AKAP8: variants seen among roughly 807,000 people sequenced by gnomAD.
The protein encoded by AKAP8 is A-kinase anchor protein 8.
Under a neutral mutation model 67.5 loss-of-function variants are expected in AKAP8, and 24 were observed. The observed-to-expected ratio is 0.36, with a 90% CI of 0.26 to 0.50. The LOEUF is 0.50. Among genes scored for constraint, AKAP8 ranks in the 20% least tolerant of loss-of-function variants. The pLI is 0.97. For missense variants in AKAP8, 971 were observed against 955.9 expected (o/e 1.02, Z -0.21); for synonymous variants, 400 against 371.1 (o/e 1.08, Z -0.90).
intron 1 of AKAP8, among the ~76,000 whole-genome samples, chr19:15,377,243 A>T (rs887287077): frequency 5.3e-5 from 8 of 152,150 alleles, no homozygotes; most frequent in Admixed American, 4.6e-4. Context: ...TGGGCTTGGA[A>T]GTCAGCTCCG....
At chr19:15,361,062 C>G (rs920456912) in intron 11 of AKAP8, 84 bp from the exon 12 acceptor site, 4 of 1,519,500 alleles carry the variant, frequency 2.6e-6, no homozygotes, top group Admixed American at 3.7e-5. Flanking sequence ...ACGTTTTCTC[C>G]CTGCAACTCT....
At chr19:15,370,050 C>A in intron 8 of AKAP8, 96 bp downstream of exon 8, 1 of 1,491,376 alleles carries the variant, frequency 6.7e-7, no homozygotes, top group South Asian at 1.1e-5. Flanking sequence ...CCACGGGCCC[C>A]TCCATCCAGG....
rs919960025 is a variant in AKAP8, at chr19:15,373,146, C to A, written c.566G>T (p.Gly189Val). 2 of 1,613,150 alleles carry A rather than the reference C, an allele frequency of 1.2e-6. No homozygotes were observed. The highest frequency in any genetic ancestry group is 1.7e-6 in the Non-Finnish European group (2 of 1,179,980). ...GTCCTGGAAGCGGCCCTGGCCCCGGCCCCGCATGAAGCCATCAAGGGAGCC... is the reference window on the plus strand; with the variant it reads ...GTCCTGGAAGCGGCCCTGGCCCCGGACCCGCATGAAGCCATCAAGGGAGCC... ...ERGSLDGFMR[G>V]RGQGRFQDRS... Residue 189 changes from glycine to valine, a missense_variant, in exon 5 of 14, where the codon GGC (glycine) becomes GTC (valine). By Grantham distance (109) the Gly-to-Val change is moderately radical (BLOSUM62 -3). Coordinates refer to ENST00000269701, the MANE Select transcript of AKAP8 (RefSeq NM_005858.4).
intron 3 of AKAP8, among the ~76,000 whole-genome samples, 164 bp from the exon 4 acceptor site, chr19:15,374,229 G>A (rs1405808318): frequency 6.6e-6 from 1 of 152,238 alleles, no homozygotes; most frequent in East Asian, 1.9e-4. Context: ...CCAAGAGGCA[G>A]CAGGAGGTGG....
Position 15,372,995 on chromosome 19 carries a change from G to A in AKAP8, c.717C>T (p.Ser239=). Residue 239 remains serine, a synonymous_variant, in exon 5 of 14, where the codon TCC becomes TCT. Coordinates refer to ENST00000269701, the MANE Select transcript of AKAP8 (RefSeq NM_005858.4). The part of the protein sequence containing the change: ...YVGGRGLGGP[S]PSRPPPSLFS... The stretch of plus-strand genomic sequence containing the variant: ...AGAGGGACGGAGGTGGCCGGCTGGG[G>A]GAGGGCCCTCCCAGGCCCCGTCCAC... 6.4e-7 allele frequency: 1 copy of A among 1,568,010 alleles called. No individual in the cohort carries two copies. Among genetic ancestry groups the A allele is most frequent in the Non-Finnish European group, 8.7e-7 (1 of 1,155,732 alleles).
chr19:15,368,477 C>CA (rs1226680066), intron 8 of AKAP8, 155 bp from the exon 9 acceptor site: 1 of 985,252 alleles, frequency 1.0e-6, no homozygotes, highest in African/African-American at 1.7e-5. Context: ...AAGGCACTGT[C>CA]AGAGACTCCT....
At chr19:15,364,107 G>GAAAAA (rs1397943139) in intron 9 of AKAP8, among the ~76,000 whole-genome samples, 1 of 6,824 alleles carries the variant, frequency 1.5e-4, no homozygotes, top group African/African-American at 9.1e-4. Context: ...TTGGCAGTGG[G>GAAAAA]CAAAAAAAAA....
Position 15,373,808 on chromosome 19 carries a change from C to G in AKAP8, c.349G>C (p.Glu117Gln). ...GGRGGSGGGG[E>Q]GIQDRESSFR... ...CACCTCTCCCGGTCCTGTATGCCCT[C>G]CCCACCGCCGCCGCTCCCGCCCCTG... Residue 117 changes from glutamate to glutamine, a missense_variant, in exon 4 of 14, where the codon GAG (glutamate) becomes CAG (glutamine). This residue lies in a region of AKAP8 where 763 missense variants were observed against 745.4 expected (regional missense o/e 1.02). Coordinates refer to ENST00000269701, the MANE Select transcript of AKAP8 (RefSeq NM_005858.4). 1 of 1,610,374 alleles carries G rather than the reference C, an allele frequency of 6.2e-7. No homozygotes were observed. Among genetic ancestry groups the G allele is most frequent in the Non-Finnish European group, 8.5e-7 (1 of 1,179,720 alleles).
chr19:15,376,484 A>C (rs1967254623), intron 2 of AKAP8, among the ~76,000 whole-genome samples: 1 of 151,940 alleles, frequency 6.6e-6, no homozygotes. Flanking sequence ...CTCTGTATCA[A>C]AAGAAAAAAA....
intron 7 of AKAP8, among the ~76,000 whole-genome samples, chr19:15,371,687 C>T (rs1258492470): frequency 6.6e-6 from 1 of 151,986 alleles, no homozygotes; most frequent in African/African-American, 2.4e-5. Context: ...CGGGGTTTCA[C>T]CATGTTGGCC....
intron 11 of AKAP8, 147 bp from the exon 12 acceptor site, chr19:15,361,125 A>C: frequency 1.0e-6 from 1 of 1,003,674 alleles, no homozygotes. Context: ...GGGTCAGCAC[A>C]TCGGCCTCTA....
At chr19:15,365,531 C>A (rs778680934) in intron 9 of AKAP8, among the ~76,000 whole-genome samples, 2 of 152,176 alleles carry the variant, frequency 1.3e-5, no homozygotes, top group Non-Finnish European at 2.9e-5. Context: ...TCACCTCTGC[C>A]AACTCCACAT....
intron 13 of AKAP8, among the ~76,000 whole-genome samples, chr19:15,357,564 G>A (rs1599555298): frequency 6.6e-6 from 1 of 151,284 alleles, no homozygotes; most frequent in Non-Finnish European, 1.5e-5. Context: ...ATCTCTGCAG[G>A]AATCTCTTGG....
intron 9 of AKAP8, among the ~76,000 whole-genome samples, chr19:15,367,386 G>A (rs1430092469): frequency 1.3e-5 from 2 of 152,300 alleles, no homozygotes; most frequent in Admixed American, 1.3e-4. Flanking sequence ...AAATTAGCCA[G>A]GCGTGGTGTC....
intron 13 of AKAP8, among the ~76,000 whole-genome samples, chr19:15,355,728 G>A (rs754502877): frequency 1.5e-4 from 23 of 151,700 alleles, no homozygotes; most frequent in Admixed American, 5.9e-4. Flanking sequence ...CACCATGCCC[G>A]GCCCATTCTG....
intron 11 of AKAP8, 27 bp downstream of exon 11, chr19:15,361,702 A>G (rs1966969414): frequency 6.3e-7 from 1 of 1,581,196 alleles, no homozygotes; most frequent in South Asian, 1.1e-5. Context: ...CATCCAGGAA[A>G]GCACTCATCC....
At position 15,360,837 on chromosome 19, in the gene AKAP8, G is replaced by A; in HGVS notation, c.1527+11C>T. The A allele has an allele frequency of 1.2e-6, 2 of 1,611,052 alleles. No individual in the cohort carries two copies. Among genetic ancestry groups the A allele is most frequent in the Non-Finnish European group, 1.7e-6 (2 of 1,178,602 alleles). On this transcript the variant is annotated intron_variant, in intron 12 of 13. Coordinates refer to ENST00000269701, the MANE Select transcript of AKAP8 (RefSeq NM_005858.4). ...ATGAGCACCCCAGGCAGTGTGGGGAGGAAGACTCACCCTGCGGTTGTGATT... is the reference window on the plus strand; with the variant it reads ...ATGAGCACCCCAGGCAGTGTGGGGAAGAAGACTCACCCTGCGGTTGTGATT...
At chr19:15,372,080 G>T (rs377384817) in intron 6 of AKAP8, 82 bp from the exon 7 acceptor site, 1 of 1,609,570 alleles carries the variant, frequency 6.2e-7, no homozygotes, top group South Asian at 1.1e-5. Context: ...CGCCATCCAG[G>T]GTGAGTCTGC....
chr19:15,359,172 G>GA, intron 12 of AKAP8, 110 bp from the exon 13 acceptor site: 1 of 969,160 alleles, frequency 1.0e-6, no homozygotes. Flanking sequence ...GCAGAGAAGC[G>GA]AATCTCAAAA....
Sources: gnomAD v4.1 joint callset for allele counts (sites outside exome capture counted in the v4.1 genomes callset) on GRCh38, gnomAD v4.1.1 for gene constraint, gnomAD v4.1.1 regional missense constraint, MANE v1.5 for transcripts, NCBI Gene and HGNC (gene_info 2026-07-23, HGNC 2026-07-21) for gene names.